Variants in AOAH observed in about 807,000 individuals in gnomAD.
The protein encoded by AOAH is acyloxyacyl hydrolase, also known as acyloxyacyl hydrolase (neutrophil).
In AOAH, 64 loss-of-function variants were observed where a neutral mutation model predicts 92.2. The ratio of observed to expected loss-of-function variants is 0.69; its 90% confidence interval spans 0.57 to 0.86. The LOEUF (loss-of-function observed/expected upper bound fraction) is 0.86. Among genes scored for constraint, AOAH ranks in the 40% least tolerant of loss-of-function variants. The pLI, the probability that AOAH is intolerant of heterozygous loss-of-function variation, is 0.00. For missense variants in AOAH, 656 were observed against 694.6 expected (o/e 0.94, Z 0.62); for synonymous variants, 263 against 254.5 (o/e 1.03, Z -0.32).
chr7:36,723,987 C>T (rs1265003426), intron 1 of AOAH, 35 bp downstream of exon 1: 14 of 1,603,208 alleles, frequency 8.7e-6, no homozygotes, highest in Non-Finnish European at 1.2e-5. Flanking sequence ...ATTGTTATGT[C>T]TACATAGAAA....
At chr7:36,581,352 G>T (rs1788920317) in intron 12 of AOAH, among the ~76,000 whole-genome samples, 1 of 152,140 alleles carries the variant, frequency 6.6e-6, no homozygotes, top group Non-Finnish European at 1.5e-5. Flanking sequence ...TCGTCCTCTT[G>T]GACAAATTCA....
intron 1 of AOAH, among the ~76,000 whole-genome samples, chr7:36,693,053 T>C (rs1326247711): frequency 6.6e-6 from 1 of 151,942 alleles, no homozygotes; most frequent in Non-Finnish European, 1.5e-5. Context: ...TCAGAGTCAG[T>C]GGGAATGGAA....
chr7:36,559,873 C>T (rs1195636825), intron 13 of AOAH, among the ~76,000 whole-genome samples: 3 of 152,162 alleles, frequency 2.0e-5, no homozygotes, highest in Non-Finnish European at 2.9e-5. Flanking sequence ...TAAGGTCTTA[C>T]ATTTAATTCT....
intron 20 of AOAH, among the ~76,000 whole-genome samples, chr7:36,519,139 C>T (rs755090733): frequency 3.2e-4 from 49 of 152,214 alleles, no homozygotes; most frequent in Admixed American, 2.1e-3. Flanking sequence ...TTCTTTCTTG[C>T]TTGAGAACAT....
intron 13 of AOAH, among the ~76,000 whole-genome samples, chr7:36,569,107 G>A (rs974813163): frequency 1.3e-5 from 2 of 152,148 alleles, no homozygotes; most frequent in African/African-American, 4.8e-5. Context: ...GTAAGTGGGC[G>A]AACAGAGAGG....
At chr7:36,526,304 G>A (rs1784394158) in intron 19 of AOAH, among the ~76,000 whole-genome samples, 1 of 152,194 alleles carries the variant, frequency 6.6e-6, no homozygotes, top group Admixed American at 6.5e-5. Flanking sequence ...GAGGGATATG[G>A]GTCATCACAT....
rs1376374705 is a variant in AOAH at position 36,513,050 on chromosome 7, A to G, written c.*202T>C. 1.9e-6 allele frequency: 3 copies of G among 1,541,904 alleles called. No homozygotes were observed. Among genetic ancestry groups the G allele is most frequent in the Non-Finnish European group, 2.6e-6 (3 of 1,149,494 alleles). On this transcript the variant is annotated 3_prime_UTR_variant, in exon 21 of 21. Transcript: ENST00000617537. ...TGAAAGGTTATTTCAGGAACAGCGGAAGGGTTACTGATCCCGGGAGCACAC... is the reference window on the plus strand; with the variant it reads ...TGAAAGGTTATTTCAGGAACAGCGGGAGGGTTACTGATCCCGGGAGCACAC...
At chr7:36,717,491 T>C (rs1389154019) in intron 1 of AOAH, among the ~76,000 whole-genome samples, 1 of 151,780 alleles carries the variant, frequency 6.6e-6, no homozygotes, top group Non-Finnish European at 1.5e-5. Context: ...CTACCACATA[T>C]GAACTCAGAG....
chr7:36,696,729 G>A (rs1241761941), intron 1 of AOAH, among the ~76,000 whole-genome samples: 1 of 151,872 alleles, frequency 6.6e-6, no homozygotes, highest in African/African-American at 2.4e-5. Context: ...GCATGGTGGT[G>A]CATGCCTGTA....
chr7:36,594,563 T>C (rs1398694714), intron 11 of AOAH, 133 bp from the exon 12 acceptor site: 12 of 787,686 alleles, frequency 1.5e-5, no homozygotes, highest in Non-Finnish European at 2.6e-5. Context: ...TAAGGGCTTT[T>C]GGTATTCAAG....
intron 4 of AOAH, among the ~76,000 whole-genome samples, chr7:36,649,009 T>C (rs1417128633): frequency 6.6e-6 from 1 of 152,170 alleles, no homozygotes; most frequent in Non-Finnish European, 1.5e-5. Flanking sequence ...GGAATAACTT[T>C]ATAATTGTGT....
intron 13 of AOAH, among the ~76,000 whole-genome samples, chr7:36,563,389 G>A (rs967738787): frequency 6.6e-6 from 1 of 152,056 alleles, no homozygotes; most frequent in African/African-American, 2.4e-5. Flanking sequence ...CTGGGTTTTG[G>A]GCTGCCTTGA....
intron 1 of AOAH, among the ~76,000 whole-genome samples, chr7:36,696,150 C>T (rs1797695173): frequency 6.6e-6 from 1 of 152,074 alleles, no homozygotes; most frequent in South Asian, 2.1e-4. Context: ...TGTGTCTGTC[C>T]CCACACCAAT....
intron 4 of AOAH, among the ~76,000 whole-genome samples, chr7:36,654,565 T>A (rs12532890): frequency 0.66 from 99,623 of 151,918 alleles, 33,119 homozygotes; most frequent in African/African-American, 0.76. Context: ...GTTGCTCTGC[T>A]CTGCTTGCTT....
At chr7:36,622,115 GGCACGTGTATAT>G (rs1283160467) in intron 7 of AOAH, among the ~76,000 whole-genome samples, 2 of 151,966 alleles carry the variant, frequency 1.3e-5, no homozygotes, top group African/African-American at 4.8e-5. Flanking sequence ...TATGTATGGG[GGCACGTGTATAT>G]GCATGTGTGT....
At chr7:36,514,510 C>G (rs943037711) in intron 20 of AOAH, 1 of 1,536,028 alleles carries the variant, frequency 6.5e-7, no homozygotes, top group Non-Finnish European at 8.7e-7. Flanking sequence ...TTCCCTTTAT[C>G]CATGATGTTA....
chr7:36,718,170 A>G (rs930827867), intron 1 of AOAH, among the ~76,000 whole-genome samples: 4 of 152,170 alleles, frequency 2.6e-5, no homozygotes, highest in South Asian at 2.1e-4. Flanking sequence ...TTTTTTTTCA[A>G]AGAAGATATA....
chr7:36,517,223 TCTGTCTCTCTCTC>T (rs1419956266), intron 20 of AOAH, among the ~76,000 whole-genome samples: 2 of 78,116 alleles, frequency 2.6e-5, no homozygotes, highest in South Asian at 5.0e-4. Flanking sequence ...TCTCTTTCTT[TCTGTCTCTCTCTC>T]TCTCTCTCTT....
chr7:36,646,859 C>A (rs1379343834), intron 4 of AOAH, among the ~76,000 whole-genome samples: 1 of 152,186 alleles, frequency 6.6e-6, no homozygotes, highest in Non-Finnish European at 1.5e-5. Context: ...CCCAGATAAT[C>A]CAGGACAATC....
Sources: allele counts gnomAD v4.1 joint callset (sites outside exome capture counted in the v4.1 genomes callset), GRCh38; gene constraint gnomAD v4.1.1; transcripts MANE v1.5; gene names NCBI Gene and HGNC (gene_info 2026-07-23, HGNC 2026-07-21).